Variants in DYRK3 observed in about 807,000 individuals in gnomAD.
DYRK3 encodes the protein dual specificity tyrosine phosphorylation regulated kinase 3, also known as dual specificity tyrosine-phosphorylation-regulated kinase 3.
DYRK3 carries 30 observed loss-of-function variants against 40.8 expected under a neutral mutation model. The observed-to-expected ratio is 0.74, with a 90% CI of 0.55 to 1.00. DYRK3 has a LOEUF of 1.00. DYRK3 is among the 50% of genes least tolerant of loss of function. The pLI is 0.00. For synonymous variants in DYRK3, 272 were observed against 260.7 expected (o/e 1.04, Z -0.42); for missense variants, 699 against 731.5 (o/e 0.96, Z 0.51).
At position 206,648,789 on chromosome 1, in the gene DYRK3, A is replaced by G. The variant is rs1572452414; in HGVS notation, c.1591A>G (p.Thr531Ala). The G allele has an allele frequency of 1.2e-6, 2 of 1,614,174 alleles. No homozygotes were observed. Among genetic ancestry groups the G allele is most frequent in the Non-Finnish European group, 1.7e-6 (2 of 1,180,028 alleles). Residue 531 changes from threonine to alanine, a missense_variant, in exon 3 of 3, where the codon ACC becomes GCC. Thr to Ala is a moderately conservative substitution (Grantham distance 58). Coordinates refer to ENST00000367109, the MANE Select transcript of DYRK3 (RefSeq NM_003582.4). Reference protein sequence around the residue: ...WISKSVPRPLTTIDKVSGKRV... With the variant: ...WISKSVPRPLATIDKVSGKRV... ...TAGCAAGTCTGTCCCCAGACCTCTC[A>G]CCACCATAGACAAGGTGTCAGGGAA...
In DYRK3 at chr1:206,637,774, A is replaced by T. The variant is rs1671160358; in HGVS notation, c.189+13A>T. ...CAGAAGACTAAATGTAAGTAAAAGA[A>T]GTCATTCTTTGTACATGAATTGTTT... On this transcript the variant is annotated intron_variant, in intron 2 of 2. Transcript: ENST00000367109. The T allele has an allele frequency of 6.3e-7, 1 of 1,593,222 alleles. No individual in the cohort carries two copies. The highest frequency in any genetic ancestry group is 1.3e-5 in the African/African-American group (1 of 74,518).
chr1:206,643,123 A>G (rs955581487), intron 2 of DYRK3, among the ~76,000 whole-genome samples: 3 of 151,910 alleles, frequency 2.0e-5, no homozygotes, highest in Non-Finnish European at 4.4e-5. Context: ...TGAACAGGAG[A>G]GTGGGTGAGG....
Position 206,649,951 on chromosome 1 carries a change from G to A in DYRK3, c.*986G>A, listed in dbSNP as rs571978735. ...GCCACATTTTTCCCCCCACTTTCAC[G>A]TTAAGCTTAATGCTATTCCCTAGAT... On this transcript the variant is annotated 3_prime_UTR_variant, in exon 3 of 3. Coordinates refer to ENST00000367109, the MANE Select transcript of DYRK3 (RefSeq NM_003582.4). Among the ~76,000 whole-genome samples, 407 of 152,110 alleles carry A rather than the reference G, an allele frequency of 2.7e-3. 2 individuals are homozygous for A. Among genetic ancestry groups the A allele is most frequent in the African/African-American group, 9.3e-3 (385 of 41,488 alleles).
chr1:206,637,502 A>G (rs578109912), intron 1 of DYRK3, 148 bp from the exon 2 acceptor site: 330 of 568,274 alleles, frequency 5.8e-4, no homozygotes, highest in Non-Finnish European at 8.9e-4. Context: ...CCTCTTCCAA[A>G]TACCCCAGTT....
intron 2 of DYRK3, among the ~76,000 whole-genome samples, chr1:206,646,605 T>C (rs566477656): frequency 6.6e-6 from 1 of 152,356 alleles, no homozygotes; most frequent in Admixed American, 6.5e-5. Context: ...TTCAATGAAC[T>C]GAGTTAAAAG....
intron 2 of DYRK3, among the ~76,000 whole-genome samples, chr1:206,638,902 C>T (rs1397967918): frequency 1.0e-4 from 14 of 133,816 alleles, no homozygotes; most frequent in Admixed American, 2.4e-4. Context: ...TTTCCTGAGA[C>T]GCAGTCTTAC....
chr1:206,640,839 C>T (rs554315565), intron 2 of DYRK3, among the ~76,000 whole-genome samples: 9 of 152,142 alleles, frequency 5.9e-5, no homozygotes, highest in East Asian at 1.9e-4. Flanking sequence ...CGTGAGCCAC[C>T]GTGCCTGGCC....
chr1:206,636,060 G>A, intron 1 of DYRK3: 2 of 1,537,620 alleles, frequency 1.3e-6, no homozygotes, highest in South Asian at 1.2e-5. Context: ...CGGGGTATAT[G>A]TTAAGGGATT....
In DYRK3 at chr1:206,648,680, G is replaced by A; in HGVS notation, c.1482G>A (p.Leu494=). 1 of 1,614,058 alleles carries A rather than the reference G, an allele frequency of 6.2e-7. No homozygotes were observed. Among genetic ancestry groups the A allele is most frequent in the Non-Finnish European group, 8.5e-7 (1 of 1,179,974 alleles). Residue 494 remains leucine, a synonymous_variant, in exon 3 of 3, where the codon TTG becomes TTA. Transcript: ENST00000367109. ...GTALKGCDDY[L]FIEFLKRCLH... is the part of the protein sequence containing the mutation. ...CACTGAAAGGGTGTGATGACTACTT[G>A]TTTATAGAGTTCTTGAAAAGGTGTC...
rs967029703 is a variant in DYRK3, at chr1:206,653,959, A to G, written c.*4994A>G. On this transcript the variant is annotated 3_prime_UTR_variant, in exon 3 of 3. Transcript: ENST00000367109. ...ATAATCAAAAAAGAACAATAAAAAA[A>G]TAAAAATTTCTACTGTGAAACTATT... 6.6e-6 allele frequency among the ~76,000 whole-genome samples: 1 copy of G among 152,264 alleles called. No individual in the cohort carries two copies. Among genetic ancestry groups the G allele is most frequent in the African/African-American group, 2.4e-5 (1 of 41,472 alleles).
chr1:206,648,315 C>T lies in DYRK3; in HGVS notation c.1117C>T (p.Arg373Trp), dbSNP rs201664904. 13 of 1,614,024 alleles carry T rather than the reference C, an allele frequency of 8.1e-6. No homozygotes were observed. The African/African-American group carries it at 1.1e-4, about 13-fold the overall frequency. ...YQKLYTYIQS[R>W]FYRAPEIILG... ...GAAGCTCTACACATATATCCAGTCT[C>T]GGTTCTACAGAGCTCCAGAAATCAT... The change falls in exon 3 of 3, where the codon CGG becomes TGG. Residue 373 changes from arginine (R) to tryptophan (W), a missense_variant. By Grantham distance (101) the Arg-to-Trp change is moderately radical. Transcript: ENST00000367109.
rs1553420687 is a variant in DYRK3 at position 206,648,363 on chromosome 1, C to A, written c.1165C>A (p.Pro389Thr). Residue 389 changes from proline to threonine, a missense_variant, in exon 3 of 3, where the codon CCA becomes ACA. By Grantham distance (38) the Pro-to-Thr change is conservative. Coordinates refer to ENST00000367109, the MANE Select transcript of DYRK3 (RefSeq NM_003582.4). ...EIILGSRYST[P>T]IDIWSFGCIL... The stretch of plus-strand genomic sequence containing the variant: ...CATCTTAGGAAGCCGCTACAGCACA[C>A]CAATTGACATATGGAGTTTTGGCTG... 2 of 1,614,142 alleles carry A rather than the reference C, an allele frequency of 1.2e-6. No homozygotes were observed. Among genetic ancestry groups the A allele is most frequent in the South Asian group, 2.2e-5 (2 of 91,084 alleles).
rs781882589 is a variant in DYRK3 at position 206,637,727 on chromosome 1, A to G, written c.155A>G (p.Asn52Ser). Residue 52 changes from asparagine to serine, a missense_variant, in exon 2 of 3, where the codon AAT becomes AGT. Physicochemically the swap from Asn to Ser is conservative, Grantham distance 46 (BLOSUM62 1). Transcript: ENST00000367109. ...CCCCCCTGTTCAAATGTACTCTGCA[A>G]TCCTTCTGAACCACCTCCACCCAGA... ...KCPPCSNVLC[N>S]PSEPPPPRRL... 3.6e-5 allele frequency: 58 copies of G among 1,614,074 alleles called. No homozygotes were observed. The highest frequency in any genetic ancestry group is 4.7e-5 in the Non-Finnish European group (56 of 1,179,948).
At chr1:206,640,863 T>G (rs1671269770) in intron 2 of DYRK3, among the ~76,000 whole-genome samples, 1 of 152,214 alleles carries the variant, frequency 6.6e-6, no homozygotes, top group Non-Finnish European at 1.5e-5. Context: ...CAGCAAGATT[T>G]TTAAGACTTG....
chr1:206,644,259 T>C (rs1671385177), intron 2 of DYRK3, among the ~76,000 whole-genome samples: 1 of 151,990 alleles, frequency 6.6e-6, no homozygotes, highest in African/African-American at 2.4e-5. Context: ...CGTCCCCAAC[T>C]CCCGACCTCA....
intron 2 of DYRK3, among the ~76,000 whole-genome samples, chr1:206,646,881 C>T (rs761891644): frequency 6.6e-6 from 1 of 152,114 alleles, no homozygotes; most frequent in Non-Finnish European, 1.5e-5. Context: ...TGGGAAGATA[C>T]TTGAAACAAT....
chr1:206,647,927 G>T lies in DYRK3; in HGVS notation c.729G>T (p.Glu243Asp), dbSNP rs782278096. 2.5e-6 allele frequency: 4 copies of T among 1,614,110 alleles called. No homozygotes were observed. Among genetic ancestry groups the T allele is most frequent in the South Asian group, 1.1e-5 (1 of 91,080 alleles). The change falls in exon 3 of 3, where the codon GAG (glutamate) becomes GAT (aspartate). Residue 243 changes from glutamate to aspartate, a missense_variant. By Grantham distance (45) the Glu-to-Asp change is conservative (BLOSUM62 2). Transcript: ENST00000367109. ...QYVALKMVRN[E>D]KRFHRQAAEE... is the part of the protein sequence containing the mutation. ...TGGCCCTAAAAATGGTGCGCAATGA[G>T]AAGCGCTTTCATCGTCAAGCAGCTG... is the stretch of plus-strand genomic sequence containing the variant.
At chr1:206,640,187 C>T (rs1671246436) in intron 2 of DYRK3, among the ~76,000 whole-genome samples, 1 of 152,166 alleles carries the variant, frequency 6.6e-6, no homozygotes, top group African/African-American at 2.4e-5. Context: ...CCACCCACCT[C>T]AGCCTCCCAA....
Position 206,648,705 on chromosome 1 carries a change from C to T in DYRK3, c.1507C>T (p.Leu503Phe), listed in dbSNP as rs1553420833. Reference protein sequence around the residue: ...YLFIEFLKRCLHWDPSARLTP... With the variant: ...YLFIEFLKRCFHWDPSARLTP... Reference sequence around the variant, plus strand: ...GTTTATAGAGTTCTTGAAAAGGTGTCTTCACTGGGACCCCTCTGCCCGCTT... The same window carrying T: ...GTTTATAGAGTTCTTGAAAAGGTGTTTTCACTGGGACCCCTCTGCCCGCTT... The change falls in exon 3 of 3, where the codon CTT (leucine) becomes TTT (phenylalanine). Residue 503 changes from leucine (L) to phenylalanine (F), a missense_variant. Coordinates refer to ENST00000367109, the MANE Select transcript of DYRK3 (RefSeq NM_003582.4). 3 of 1,614,050 alleles carry T rather than the reference C, an allele frequency of 1.9e-6. No homozygotes were observed. Among genetic ancestry groups the T allele is most frequent in the Non-Finnish European group, 2.5e-6 (3 of 1,179,950 alleles).
Sources: gnomAD v4.1 joint callset for allele counts (sites outside exome capture counted in the v4.1 genomes callset) on GRCh38, gnomAD v4.1.1 for gene constraint, MANE v1.5 for transcripts, NCBI Gene and HGNC (gene_info 2026-07-23, HGNC 2026-07-21) for gene names.